The following MYOF variants were observed in gnomAD, a reference collection of about 807,000 sequenced individuals.
The protein encoded by MYOF is myoferlin.
Under a neutral mutation model 284.2 loss-of-function variants are expected in MYOF, and 244 were observed. The observed-to-expected ratio is 0.86, with a 90% CI of 0.77 to 0.95. The LOEUF (loss-of-function observed/expected upper bound fraction) is 0.95, where lower values mean the gene tolerates loss of function less well. Ranked by LOEUF, MYOF falls within the 40% of genes least tolerant of loss-of-function variation. The probability of loss-of-function intolerance (pLI) is 0.00; values close to 1 mark genes in which losing one functional copy is unlikely to be tolerated. For synonymous variants in MYOF, 904 were observed against 919.7 expected (o/e 0.98, Z 0.31); for missense variants, 2,496 against 2,560.6 (o/e 0.97, Z 0.54).
Position 93,310,440 on chromosome 10 carries a change from C to A in MYOF, c.5999+94G>T, listed in dbSNP as rs1842329454. The A allele has an allele frequency of 6.3e-6, 8 of 1,277,244 alleles. No homozygotes were observed. The South Asian group carries it at 9.3e-5, about 15-fold the overall frequency. 79.1% of individuals were successfully genotyped at this position (1,277,244 alleles called of 1,614,324 possible). ...ACTATTAAATACCAGATTAGGAGGA[C>A]CACAAAAGCTAATCCATCCCATTAA... On this transcript the variant is annotated intron_variant, in intron 52 of 53. Transcript: ENST00000359263.
At chr10:93,350,066 A>C in intron 35 of MYOF, 97 bp from the exon 36 acceptor site, 2 of 1,239,120 alleles carry the variant, frequency 1.6e-6, no homozygotes, top group East Asian at 2.5e-5. Flanking sequence ...CAAAGTCTTT[A>C]AGATTAATTT....
At chr10:93,476,488 G>A (rs771192199) in intron 1 of MYOF, among the ~76,000 whole-genome samples, 1 of 151,558 alleles carries the variant, frequency 6.6e-6, no homozygotes, top group Non-Finnish European at 1.5e-5. Flanking sequence ...TTCTTAAGTG[G>A]AATCGCATAG....
chr10:93,445,196 A>G (rs1272842866), intron 3 of MYOF, among the ~76,000 whole-genome samples: 2 of 152,216 alleles, frequency 1.3e-5, no homozygotes, highest in Non-Finnish European at 2.9e-5. Context: ...GGCTTTCAGT[A>G]TAACATAAAA....
In MYOF at chr10:93,335,930, T is replaced by G. The variant is rs770215056; in HGVS notation, c.4554A>C (p.Gly1518=). 116 of 1,613,976 alleles carry G rather than the reference T, an allele frequency of 7.2e-5. No individual in the cohort carries two copies. The highest frequency in any genetic ancestry group is 9.3e-5 in the Non-Finnish European group (110 of 1,180,016). Reference sequence around the variant, plus strand: ...CACACATCTTACTCACCTTAAACTCTCCAACCACAGAAGGATCTTCATTTT... The same window carrying G: ...CACACATCTTACTCACCTTAAACTCGCCAACCACAGAAGGATCTTCATTTT... ...SDENEDPSVV[G]EFKGSFRIYP... The change falls in exon 41 of 54, where the codon GGA becomes GGC. Residue 1518 remains glycine, a synonymous_variant. Coordinates refer to ENST00000359263, the MANE Select transcript of MYOF (RefSeq NM_013451.4).
rs1842475814 is a variant in MYOF, at chr10:93,313,230, T to C, written c.5699-20A>G. On this transcript the variant is annotated intron_variant, in intron 50 of 53. Transcript: ENST00000359263. ...GGAAACCTAGCCAAGGAAACAACAGTAAGTCCAAATGAGCTTCAAGTGGAT... is the reference window on the plus strand; with the variant it reads ...GGAAACCTAGCCAAGGAAACAACAGCAAGTCCAAATGAGCTTCAAGTGGAT... 1.9e-6 allele frequency: 3 copies of C among 1,606,114 alleles called. No homozygotes were observed. The highest frequency in any genetic ancestry group is 3.4e-5 in the Admixed American group (2 of 59,518).
chr10:93,375,109 G>A (rs1845775259), intron 22 of MYOF, among the ~76,000 whole-genome samples, 154 bp from the exon 23 acceptor site: 1 of 152,218 alleles, frequency 6.6e-6, no homozygotes, highest in Non-Finnish European at 1.5e-5. Context: ...TTACGCTGGA[G>A]TAGAGTGTAT....
At chr10:93,433,461 A>G (rs577816059) in intron 3 of MYOF, among the ~76,000 whole-genome samples, 1 of 147,400 alleles carries the variant, frequency 6.8e-6, no homozygotes, top group South Asian at 2.2e-4. Context: ...GCCTGGCCCA[A>G]TATTTAGAAT....
intron 30 of MYOF, among the ~76,000 whole-genome samples, chr10:93,356,248 T>C (rs919905592): frequency 7.9e-5 from 12 of 152,210 alleles, no homozygotes; most frequent in African/African-American, 2.7e-4. Context: ...TTCTTCCGTA[T>C]TGCTCTCTAA....
chr10:93,321,686 A>T (rs1384051873), intron 48 of MYOF, among the ~76,000 whole-genome samples: 1 of 151,266 alleles, frequency 6.6e-6, no homozygotes. Flanking sequence ...TCACCCTTAC[A>T]GCTCTTCCTC....
At chr10:93,464,784 A>G (rs2056965317) in intron 1 of MYOF, among the ~76,000 whole-genome samples, 1 of 152,170 alleles carries the variant, frequency 6.6e-6, no homozygotes, top group Admixed American at 6.5e-5. Flanking sequence ...GGTGCTGTCT[A>G]CAAAAGCTCC....
At chr10:93,340,784 C>A (rs1031690057) in intron 38 of MYOF, among the ~76,000 whole-genome samples, 14 of 152,044 alleles carry the variant, frequency 9.2e-5, no homozygotes, top group African/African-American at 3.1e-4. Context: ...GAGAACCCAC[C>A]CCAATCTGAG....
At position 93,392,974 on chromosome 10, in the gene MYOF, A is replaced by G. The variant is rs769376412; in HGVS notation, c.1418-19T>C. 1.2e-6 allele frequency: 2 copies of G among 1,600,940 alleles called. No homozygotes were observed. Among genetic ancestry groups the G allele is most frequent in the East Asian group, 4.5e-5 (2 of 44,816 alleles). ...GAGAAATCTATATAGTAAAAATATG[A>G]CTGGTTAAACAAGAAGAACACGGGC... On this transcript the variant is annotated intron_variant, in intron 16 of 53. Coordinates refer to ENST00000359263, the MANE Select transcript of MYOF (RefSeq NM_013451.4).
At chr10:93,435,683 A>G (rs1309508896) in intron 3 of MYOF, among the ~76,000 whole-genome samples, 3 of 152,132 alleles carry the variant, frequency 2.0e-5, no homozygotes, top group Non-Finnish European at 4.4e-5. Flanking sequence ...TTTTCTGGCC[A>G]GGTGCAGTGG....
At chr10:93,416,722 C>G (rs1258421891) in intron 5 of MYOF, among the ~76,000 whole-genome samples, 1 of 151,256 alleles carries the variant, frequency 6.6e-6, no homozygotes. Context: ...CTCAATCTCC[C>G]AAGTAGCTGG....
intron 1 of MYOF, among the ~76,000 whole-genome samples, chr10:93,461,345 T>C (rs1486783811): frequency 6.6e-6 from 1 of 152,130 alleles, no homozygotes; most frequent in Non-Finnish European, 1.5e-5. Context: ...TTGAGCACTG[T>C]AGGAGACACA....
intron 1 of MYOF, among the ~76,000 whole-genome samples, chr10:93,462,830 TA>T (rs891228528): frequency 1.5e-4 from 22 of 142,920 alleles, no homozygotes; most frequent in Middle Eastern, 3.5e-3. Context: ...TCTGTAAAAA[TA>T]AAAAAAAAAG....
At position 93,328,829 on chromosome 10, in the gene MYOF, G is replaced by A. The variant is rs746649692; in HGVS notation, c.5065C>T (p.Pro1689Ser). The A allele has an allele frequency of 6.2e-7, 1 of 1,613,710 alleles. No individual in the cohort carries two copies. Among genetic ancestry groups the A allele is most frequent in the Non-Finnish European group, 8.5e-7 (1 of 1,179,692 alleles). ...CTACTCCCATCTTCGGAAAGGATGGGTTGTGGGAAGCCTTTGAATCTGGCG... is the reference window on the plus strand; with the variant it reads ...CTACTCCCATCTTCGGAAAGGATGGATTGTGGGAAGCCTTTGAATCTGGCG... ...NVARFKGFPQ[P>S]ILSEDGSRIR... The change falls in exon 45 of 54, where the codon CCC (proline) becomes TCC (serine). Residue 1689 changes from proline (P) to serine (S), a missense_variant. Coordinates refer to ENST00000359263, the MANE Select transcript of MYOF (RefSeq NM_013451.4).
intron 40 of MYOF, 89 bp from the exon 41 acceptor site, chr10:93,336,135 G>C: frequency 6.9e-7 from 1 of 1,451,482 alleles, no homozygotes. Context: ...GTGGGCCTGA[G>C]GTTGTGGATG....
chr10:93,469,405 G>GA (rs11406764), intron 1 of MYOF, among the ~76,000 whole-genome samples: 95,263 of 146,350 alleles, frequency 0.65, 30,803 homozygotes, highest in South Asian at 0.7. Context: ...CATCTCTGAA[G>GA]AAAAAAAAAA....
Sources: gnomAD v4.1 joint callset for allele counts (sites outside exome capture counted in the v4.1 genomes callset) on GRCh38, gnomAD v4.1.1 for gene constraint, MANE v1.5 for transcripts, NCBI Gene and HGNC (gene_info 2026-07-23, HGNC 2026-07-21) for gene names.